FOXP2: variants seen among roughly 807,000 people sequenced by gnomAD.
FOXP2 encodes the protein forkhead box protein P2.
FOXP2 carries 12 observed loss-of-function variants against 115.8 expected under a neutral mutation model. That is an observed-to-expected ratio of 0.10 (90% CI 0.07 to 0.17). The LOEUF is 0.17. FOXP2 is among the 10% of genes least tolerant of loss of function. FOXP2 has a pLI of 1.00. For synonymous variants in FOXP2, 328 were observed against 297.7 expected (o/e 1.10, Z -1.05); for missense variants, 629 against 843.5 (o/e 0.75, Z 3.15).
intron 3 of FOXP2, among the ~76,000 whole-genome samples, chr7:114,622,702 T>C (rs1804320818): frequency 6.6e-6 from 1 of 152,020 alleles, no homozygotes; most frequent in Non-Finnish European, 1.5e-5. Context: ...CAGGACAGCT[T>C]GCTTTTTGTT....
Position 114,693,653 on chromosome 7 carries a change from A to T in FOXP2, c.*3727A>T, listed in dbSNP as rs1343485634. ...GGATGTACATTTTACTATAGAATTA[A>T]TGTATGAACAGTGTGTCACTGCTGT... is the stretch of plus-strand genomic sequence containing the variant. On this transcript the variant is annotated 3_prime_UTR_variant, in exon 17 of 17. Transcript: ENST00000350908. 2.3e-6 allele frequency: 1 copy of T among 432,294 alleles called. No homozygotes were observed. Among genetic ancestry groups the T allele is most frequent in the South Asian group, 1.7e-5 (1 of 59,794 alleles). 26.8% of individuals were successfully genotyped at this position (432,294 alleles called of 1,614,324 possible). A position where few individuals can be genotyped will look rare whatever the true frequency, so the allele number is the denominator to read the frequency against.
intron 6 of FOXP2, among the ~76,000 whole-genome samples, chr7:114,641,153 C>T (rs1250076968): frequency 2.0e-5 from 3 of 152,118 alleles, no homozygotes; most frequent in South Asian, 2.1e-4. Context: ...TTTAACTTCT[C>T]TCTTAGTTTG....
intron 2 of FOXP2, among the ~76,000 whole-genome samples, chr7:114,370,935 G>A (rs1791989056): frequency 6.6e-6 from 1 of 152,068 alleles, no homozygotes; most frequent in South Asian, 2.1e-4. Context: ...CAAAATAACA[G>A]AGAAACCCTG....
chr7:114,514,018 A>G (rs1321635190), intron 2 of FOXP2, among the ~76,000 whole-genome samples: 1 of 151,960 alleles, frequency 6.6e-6, no homozygotes, highest in African/African-American at 2.4e-5. Context: ...TGATAAGTTA[A>G]CATTGTACAT....
At chr7:114,303,296 A>T (rs1220397976) in intron 2 of FOXP2, among the ~76,000 whole-genome samples, 3 of 152,184 alleles carry the variant, frequency 2.0e-5, no homozygotes, top group Admixed American at 6.5e-5. Flanking sequence ...TCCTACACAT[A>T]CAAAAAAAGG....
intron 1 of FOXP2, among the ~76,000 whole-genome samples, chr7:114,125,103 G>C (rs142978917): frequency 0.016 from 2,362 of 152,180 alleles, 20 homozygotes; most frequent in Middle Eastern, 0.024. Flanking sequence ...CCTTTGGCTA[G>C]TTTGTGAATT....
chr7:114,352,735 A>C (rs554994133), intron 2 of FOXP2, among the ~76,000 whole-genome samples: 6 of 151,812 alleles, frequency 4.0e-5, no homozygotes, highest in Non-Finnish European at 7.4e-5. Flanking sequence ...CCCTATAAAC[A>C]TCCTGTCCCT....
At chr7:114,586,411 T>C (rs1166332369) in intron 3 of FOXP2, among the ~76,000 whole-genome samples, 1 of 152,144 alleles carries the variant, frequency 6.6e-6, no homozygotes, top group Non-Finnish European at 1.5e-5. Context: ...AGTGTTTTAG[T>C]AATTTTACTC....
At chr7:114,383,234 G>T (rs1313453439) in intron 2 of FOXP2, among the ~76,000 whole-genome samples, 1 of 152,138 alleles carries the variant, frequency 6.6e-6, no homozygotes, top group South Asian at 2.1e-4. Context: ...GGTTATCTGA[G>T]AATTTACCTA....
At chr7:114,159,662 T>A (rs986716492), upstream of FOXP2, among the ~76,000 whole-genome samples, 1 of 141,386 alleles carries the variant, frequency 7.1e-6, no homozygotes, top group Non-Finnish European at 1.5e-5. Context: ...ACCACATCTA[T>A]CCCAGCTAAT....
In FOXP2 at chr7:114,690,456, C is replaced by T. The variant is rs1214517405; in HGVS notation, c.*530C>T. 2.2e-6 allele frequency: 1 copy of T among 453,788 alleles called. No individual in the cohort carries two copies. Among genetic ancestry groups the T allele is most frequent in the African/African-American group, 2.0e-5 (1 of 49,988 alleles). The allele number at this position is 453,788 out of a possible 1,614,324, so 28.1% of individuals were successfully genotyped here. A position where few individuals can be genotyped will look rare whatever the true frequency, so the allele number is the denominator to read the frequency against. On this transcript the variant is annotated 3_prime_UTR_variant, in exon 17 of 17. Transcript: ENST00000350908. Reference sequence around the variant, plus strand: ...AATTAGTGTCACTGCTTGTATCTAGCTGAATTTTAAACAACAGAACATTAG... The same window carrying T: ...AATTAGTGTCACTGCTTGTATCTAGTTGAATTTTAAACAACAGAACATTAG...
intron 2 of FOXP2, among the ~76,000 whole-genome samples, chr7:114,380,916 A>G (rs1792274135): frequency 6.6e-6 from 1 of 152,214 alleles, no homozygotes; most frequent in South Asian, 2.1e-4. Flanking sequence ...AAGGACTCCT[A>G]GAGCTATTCC....
chr7:114,393,940 A>C (rs1464253084), intron 2 of FOXP2, among the ~76,000 whole-genome samples: 6 of 151,118 alleles, frequency 4.0e-5, no homozygotes, highest in African/African-American at 1.2e-4. Flanking sequence ...ATTATTGTGG[A>C]TGTAAATATA....
intron 3 of FOXP2, among the ~76,000 whole-genome samples, chr7:114,559,815 G>A (rs1800671333): frequency 6.6e-6 from 1 of 151,110 alleles, no homozygotes; most frequent in South Asian, 2.1e-4. Context: ...CGTGAACCTG[G>A]CAGGCAGAGC....
chr7:114,227,639 G>GTAT (rs1490386680), intron 1 of FOXP2, among the ~76,000 whole-genome samples: 1 of 151,782 alleles, frequency 6.6e-6, no homozygotes, highest in East Asian at 1.9e-4. Context: ...TTGTTTATTT[G>GTAT]TATTGTATTT....
At chr7:114,503,092 G>GA (rs1387157228) in intron 2 of FOXP2, among the ~76,000 whole-genome samples, 1 of 151,936 alleles carries the variant, frequency 6.6e-6, no homozygotes, top group African/African-American at 2.4e-5. Flanking sequence ...GTAGCACACA[G>GA]AAAAACCATT....
chr7:114,454,769 A>G (rs1795223858), intron 2 of FOXP2, among the ~76,000 whole-genome samples: 1 of 132,414 alleles, frequency 7.6e-6, no homozygotes, highest in Non-Finnish European at 1.6e-5. Context: ...TATCACAAGA[A>G]CAAAAAACCA....
At position 114,630,015 on chromosome 7, in the gene FOXP2, G is replaced by A. The variant is rs200923763; in HGVS notation, c.597+10G>A. On this transcript the variant is annotated intron_variant, in intron 5 of 16. Coordinates refer to ENST00000350908, the MANE Select transcript of FOXP2 (RefSeq NM_014491.4). ...AAAGCAAGCGAAAGAGGTAGGATCCGGTTATCTCATTGATACATAACAGTT... is the reference window on the plus strand; with the variant it reads ...AAAGCAAGCGAAAGAGGTAGGATCCAGTTATCTCATTGATACATAACAGTT... 306 of 1,600,270 alleles carry A rather than the reference G, an allele frequency of 1.9e-4. 3 individuals are homozygous for A. The highest frequency in any genetic ancestry group is 8.8e-5 in the Non-Finnish European group (104 of 1,177,638).
In FOXP2 at chr7:114,644,803, T is replaced by G; in HGVS notation, c.1094+14T>G. 6.3e-7 allele frequency: 1 copy of G among 1,576,210 alleles called. No individual in the cohort carries two copies. Among genetic ancestry groups the G allele is most frequent in the Non-Finnish European group, 8.7e-7 (1 of 1,150,288 alleles). ...ACAGTTTTTAAAGTAGGTTTTTTAC[T>G]TTTTTTTGGTGGGGGGCGGGGGCTG... On this transcript the variant is annotated intron_variant, in intron 8 of 16. Coordinates refer to ENST00000350908, the MANE Select transcript of FOXP2 (RefSeq NM_014491.4).
Sources: allele counts gnomAD v4.1 joint callset (sites outside exome capture counted in the v4.1 genomes callset), GRCh38; gene constraint gnomAD v4.1.1; transcripts MANE v1.5; gene names NCBI Gene and HGNC (gene_info 2026-07-23, HGNC 2026-07-21).